Variants in ARFGAP2 observed in about 807,000 individuals in gnomAD.
The protein encoded by ARFGAP2 is ARF GTPase activating protein 2, also known as ADP-ribosylation factor GTPase-activating protein 2.
A neutral mutation model predicts 71.9 loss-of-function variants in ARFGAP2; 45 were observed. That is an observed-to-expected ratio of 0.63 (90% CI 0.49 to 0.80). The LOEUF (loss-of-function observed/expected upper bound fraction) is 0.80, where lower values mean the gene tolerates loss of function less well. Among genes scored for constraint, ARFGAP2 ranks in the 30% least tolerant of loss-of-function variants. The probability of loss-of-function intolerance (pLI) is 0.00; values close to 1 mark genes in which losing one functional copy is unlikely to be tolerated. For synonymous variants in ARFGAP2, 248 were observed against 249.2 expected, an observed-to-expected ratio of 1.00 and a Z score of 0.05; for missense variants, 633 against 673.9, an observed-to-expected ratio of 0.94 and a Z score of 0.67.
intron 10 of ARFGAP2, 95 bp from the exon 11 acceptor site, chr11:47,168,346 G>C: frequency 6.5e-7 from 1 of 1,541,720 alleles, no homozygotes; most frequent in Admixed American, 1.8e-5. Context: ...TCTCCTTCAC[G>C]GAGCGTCACC....
chr11:47,172,236 C>T, intron 8 of ARFGAP2, 45 bp downstream of exon 8: 2 of 1,593,940 alleles, frequency 1.3e-6, no homozygotes, highest in Non-Finnish European at 1.7e-6. Context: ...AGGTAGCCTG[C>T]ACCCAGCTCC....
chr11:47,176,714 C>T (rs932844665), intron 1 of ARFGAP2, 68 bp downstream of exon 1: 24 of 1,611,752 alleles, frequency 1.5e-5, no homozygotes, highest in Non-Finnish European at 2.0e-5. Context: ...ACATAACCCA[C>T]CTCCGCCCTT....
chr11:47,176,293 C>G (rs1006139610), intron 2 of ARFGAP2: 1 of 598,228 alleles, frequency 1.7e-6, no homozygotes, highest in South Asian at 2.0e-5. Flanking sequence ...CAAGCCTGAC[C>G]GTCAAAAAAG....
At position 47,166,531 on chromosome 11, in the gene ARFGAP2, C is replaced by T. The variant is rs1260247962; in HGVS notation, c.1401G>A (p.Gly467=). ...CTGCTCCGTGAGCTCCATCCATGTC[C>T]CCAAAGAGGTCTGAAGAGCTGATGG... is the stretch of plus-strand genomic sequence containing the variant. The part of the protein sequence containing the change: ...SSAISSSDLF[G]DMDGAHGAGS... The change falls in exon 14 of 16, where the codon GGG becomes GGA. Residue 467 remains glycine, a synonymous_variant. Transcript: ENST00000524782. 6.2e-7 allele frequency: 1 copy of T among 1,612,718 alleles called. No homozygotes were observed.
At chr11:47,175,778 C>A in intron 3 of ARFGAP2, 73 bp downstream of exon 3, 1 of 1,560,576 alleles carries the variant, frequency 6.4e-7, no homozygotes, top group South Asian at 1.1e-5. Flanking sequence ...AACGACAGGG[C>A]CTCTTAGGGA....
At chr11:47,175,356 T>C (rs770307600) in intron 3 of ARFGAP2, 43 bp from the exon 4 acceptor site, 8 of 1,613,504 alleles carry the variant, frequency 5.0e-6, no homozygotes, top group Non-Finnish European at 5.9e-6. Context: ...CGGGTGATTC[T>C]CAAGAAGGAA....
Position 47,175,051 on chromosome 11 carries a change from C to T in ARFGAP2, c.444G>A (p.Glu148=), listed in dbSNP as rs1404653902. 4.3e-6 allele frequency: 7 copies of T among 1,614,080 alleles called. No individual in the cohort carries two copies. Among genetic ancestry groups the T allele is most frequent in the South Asian group, 1.1e-5 (1 of 91,092 alleles). Residue 148 remains glutamate, a synonymous_variant, in exon 5 of 16, where the codon GAG becomes GAA. Transcript: ENST00000524782. ...CTGTGAAGAAATCAGAGTCCTTCTT[C>T]TCTGGGGAGTGATTAGGAACGGCAC... ...MSSAVPNHSP[E]KKDSDFFTEH...
At chr11:47,172,049 A>C (rs1428776947) in intron 8 of ARFGAP2, 18 of 701,372 alleles carry the variant, frequency 2.6e-5, no homozygotes, top group Non-Finnish European at 4.3e-5. Context: ...GTATGTGCCA[A>C]GCACTCCGCC....
intron 7 of ARFGAP2, chr11:47,173,111 C>T (rs1278017153): frequency 1.6e-5 from 7 of 429,994 alleles, no homozygotes; most frequent in Non-Finnish European, 3.0e-5. Flanking sequence ...CAAGCCAGCC[C>T]TGCCTCAGAG....
intron 2 of ARFGAP2, 198 bp from the exon 3 acceptor site, chr11:47,176,121 TC>T: frequency 1.6e-6 from 1 of 615,108 alleles, no homozygotes; most frequent in Non-Finnish European, 2.9e-6. Flanking sequence ...ACTAATTATG[TC>T]CCCAGATCCG....
intron 8 of ARFGAP2, chr11:47,172,011 G>A: frequency 1.2e-6 from 1 of 802,330 alleles, no homozygotes; most frequent in Non-Finnish European, 1.9e-6. Flanking sequence ...CCGGGCCTGA[G>A]GACGGCAGTT....
intron 2 of ARFGAP2, 78 bp from the exon 3 acceptor site, chr11:47,176,001 G>T: frequency 6.8e-7 from 1 of 1,476,460 alleles, no homozygotes; most frequent in Non-Finnish European, 9.3e-7. Context: ...CTGTCACTTG[G>T]CCTCAGGCTG....
intron 3 of ARFGAP2, 72 bp downstream of exon 3, chr11:47,175,779 C>T: frequency 6.4e-7 from 1 of 1,574,128 alleles, no homozygotes; most frequent in Non-Finnish European, 8.7e-7. Context: ...ACGACAGGGC[C>T]TCTTAGGGAG....
chr11:47,173,689 A>C, intron 6 of ARFGAP2, 70 bp downstream of exon 6: 3 of 1,524,426 alleles, frequency 2.0e-6, no homozygotes, highest in Non-Finnish European at 2.7e-6. Flanking sequence ...TCATGGCCAG[A>C]TGTCCCCTTC....
At position 47,176,574 on chromosome 11, in the gene ARFGAP2, A is replaced by G. The variant is rs146117937; in HGVS notation, c.133T>C (p.Leu45=). 914 of 1,613,966 alleles carry G rather than the reference A, an allele frequency of 5.7e-4. 1 individual carries two copies. Among genetic ancestry groups the G allele is most frequent in the Non-Finnish European group, 7.1e-4 (837 of 1,180,050 alleles). ...TGCACCCCGGAACAGTCAATGCACA[A>G]GAAAACACCGTACGTGATGCTGGCC... ...SWASITYGVF[L]CIDCSGVHRS... is the part of the protein sequence containing the mutation. The change falls in exon 2 of 16, where the codon TTG becomes CTG. Residue 45 remains leucine (L), a synonymous_variant. Transcript: ENST00000524782.
At chr11:47,176,450 C>G in intron 2 of ARFGAP2, 66 bp downstream of exon 2, 1 of 1,474,448 alleles carries the variant, frequency 6.8e-7, no homozygotes, top group Non-Finnish European at 9.4e-7. Context: ...GGCAGCCACT[C>G]TCCCTTGTTG....
intron 8 of ARFGAP2, 145 bp from the exon 9 acceptor site, chr11:47,171,945 G>A: frequency 1.6e-6 from 2 of 1,219,766 alleles, no homozygotes; most frequent in Middle Eastern, 2.9e-4. Flanking sequence ...GCATGGCCAA[G>A]ACAATAGTGC....
intron 2 of ARFGAP2, chr11:47,176,231 A>G (rs1952813601): frequency 6.8e-6 from 4 of 586,446 alleles, no homozygotes; most frequent in Non-Finnish European, 1.2e-5. Context: ...ACAACATATC[A>G]GCAACAACAA....
chr11:47,166,603 T>G lies in ARFGAP2; in HGVS notation c.1333-4A>C. The G allele has an allele frequency of 1.2e-6, 2 of 1,611,670 alleles. No individual in the cohort carries two copies. The highest frequency in any genetic ancestry group is 1.7e-6 in the Non-Finnish European group (2 of 1,179,858). On this transcript the variant is annotated splice_polypyrimidine_tract_variant and splice_region_variant and intron_variant, in intron 13 of 15. Coordinates refer to ENST00000524782, the MANE Select transcript of ARFGAP2 (RefSeq NM_032389.6). Reference sequence around the variant, plus strand: ...GCAGCCGAGACCTGGCCTCATACTGTGGTGAGGAAAAGGCCAGGCCTGGGG... The same window carrying G: ...GCAGCCGAGACCTGGCCTCATACTGGGGTGAGGAAAAGGCCAGGCCTGGGG...
Sources: allele counts gnomAD v4.1 joint callset, GRCh38; gene constraint gnomAD v4.1.1; transcripts MANE v1.5; gene names NCBI Gene and HGNC (gene_info 2026-07-23, HGNC 2026-07-21).